GLIS3: variants seen among roughly 807,000 people sequenced by gnomAD.
The protein encoded by GLIS3 is zinc finger protein GLIS3.
Under a neutral mutation model 78.6 loss-of-function variants are expected in GLIS3, and 53 were observed. The observed-to-expected ratio is 0.67, with a 90% CI of 0.54 to 0.85. The LOEUF is 0.85. GLIS3 is among the 40% of genes least tolerant of loss of function. The probability of loss-of-function intolerance (pLI) is 0.00; values close to 1 mark genes in which losing one functional copy is unlikely to be tolerated. For missense variants in GLIS3, 1,703 were observed against 1,231.1 expected, an observed-to-expected ratio of 1.38 and a Z score of -5.74; for synonymous variants, 684 against 509.9, an observed-to-expected ratio of 1.34 and a Z score of -4.60.
chr9:3,865,966 G>T (rs1011093780), intron 8 of GLIS3, among the ~76,000 whole-genome samples: 4 of 152,190 alleles, frequency 2.6e-5, no homozygotes, highest in Admixed American at 2.6e-4. Flanking sequence ...TGTCTGCTTG[G>T]GAGAGTGCCC....
the GLIS3 span, among the ~76,000 whole-genome samples, chr9:4,404,653 A>G: frequency 1.3e-5 from 2 of 152,210 alleles, no homozygotes; most frequent in African/African-American, 4.8e-5. Context: ...AAGAAAACTG[A>G]AAGATTTCTT....
chr9:4,369,662 G>C, the GLIS3 span, among the ~76,000 whole-genome samples: 1 of 152,106 alleles, frequency 6.6e-6, no homozygotes, highest in African/African-American at 2.4e-5. Context: ...TGCACATGGA[G>C]GATTATGATA....
intron 2 of GLIS3, among the ~76,000 whole-genome samples, chr9:4,206,409 C>T (rs190787959): frequency 8.1e-4 from 124 of 152,284 alleles, no homozygotes; most frequent in African/African-American, 2.1e-3. Flanking sequence ...TTGAAAGAGG[C>T]TTATTTTCTA....
intron 4 of GLIS3, among the ~76,000 whole-genome samples, chr9:4,104,282 T>C (rs1830591961): frequency 1.3e-5 from 2 of 152,228 alleles, no homozygotes; most frequent in Non-Finnish European, 1.5e-5. Context: ...CAGTTAAAGA[T>C]AACCCCCCTC....
chr9:4,006,565 G>A (rs547975738), intron 4 of GLIS3, among the ~76,000 whole-genome samples: 3 of 152,178 alleles, frequency 2.0e-5, no homozygotes, highest in South Asian at 2.1e-4. Flanking sequence ...GTTCCTTGAC[G>A]ACCAAACACC....
chr9:4,337,101 T>C (rs77713275), intron 2 of GLIS3, among the ~76,000 whole-genome samples: 2 of 152,210 alleles, frequency 1.3e-5, no homozygotes, highest in Admixed American at 6.5e-5. Flanking sequence ...GGTAGTGTCA[T>C]TGGCTTCTAG....
intron 4 of GLIS3, among the ~76,000 whole-genome samples, chr9:3,991,084 G>A (rs886609290): frequency 2.5e-4 from 38 of 152,180 alleles, no homozygotes; most frequent in African/African-American, 9.2e-4. Flanking sequence ...AGGTTTCTCT[G>A]AGAATAGCAG....
At chr9:4,489,479 GATAAGAAGACCGCTT>G in the GLIS3 span, among the ~76,000 whole-genome samples, 1 of 152,178 alleles carries the variant, frequency 6.6e-6, no homozygotes, top group South Asian at 2.1e-4. Context: ...TAGGAACGCT[GATAAGAAGACCGCTT>G]ACAGCTGCGG....
chr9:4,482,560 G>A, the GLIS3 span, among the ~76,000 whole-genome samples: 5 of 152,128 alleles, frequency 3.3e-5, no homozygotes, highest in Non-Finnish European at 4.4e-5. Flanking sequence ...ACTTGCCACC[G>A]CATGAGGACA....
chr9:4,146,723 G>A (rs903714447), intron 2 of GLIS3, among the ~76,000 whole-genome samples: 3 of 152,104 alleles, frequency 2.0e-5, no homozygotes, highest in Non-Finnish European at 4.4e-5. Flanking sequence ...CATCTCAAAC[G>A]CCTATTCTCC....
chr9:4,386,362 T>C, the GLIS3 span: 6 of 148,312 alleles, frequency 4.0e-5, no homozygotes, highest in African/African-American at 1.5e-4. Flanking sequence ...TTTTTATTTT[T>C]ATTAGTTTTT....
chr9:4,165,486 G>A (rs919831259), intron 2 of GLIS3, among the ~76,000 whole-genome samples: 4 of 152,150 alleles, frequency 2.6e-5, no homozygotes, highest in Non-Finnish European at 5.9e-5. Flanking sequence ...TCCATGGGGG[G>A]AAAAAGATTT....
At chr9:4,394,021 G>C in the GLIS3 span, among the ~76,000 whole-genome samples, 2 of 151,958 alleles carry the variant, frequency 1.3e-5, no homozygotes, top group African/African-American at 4.8e-5. Context: ...GTAGAGGGTA[G>C]AATTTGGACT....
chr9:4,078,016 T>C (rs879414042), intron 4 of GLIS3, among the ~76,000 whole-genome samples: 13 of 152,236 alleles, frequency 8.5e-5, no homozygotes, highest in Non-Finnish European at 1.3e-4. Flanking sequence ...CAATTCTTTA[T>C]AGTGAGCTCT....
intron 2 of GLIS3, among the ~76,000 whole-genome samples, chr9:4,322,630 G>A (rs568838950): frequency 6.6e-6 from 1 of 152,146 alleles, no homozygotes; most frequent in Non-Finnish European, 1.5e-5. Flanking sequence ...GTGTCTCACT[G>A]TGTTTTTGAT....
At chr9:4,353,855 A>C in the GLIS3 span, among the ~76,000 whole-genome samples, 1 of 152,118 alleles carries the variant, frequency 6.6e-6, no homozygotes, top group Non-Finnish European at 1.5e-5. Flanking sequence ...GAAGAACTGC[A>C]GGAAATCTGT....
chr9:4,242,635 C>T (rs1823424758), intron 2 of GLIS3, among the ~76,000 whole-genome samples: 1 of 152,168 alleles, frequency 6.6e-6, no homozygotes, highest in Admixed American at 6.5e-5. Flanking sequence ...CATCATGGGA[C>T]ATTCTATATC....
intron 2 of GLIS3, among the ~76,000 whole-genome samples, chr9:4,221,717 G>A (rs1318241429): frequency 1.3e-5 from 2 of 152,094 alleles, no homozygotes; most frequent in Non-Finnish European, 2.9e-5. Flanking sequence ...GATAACATAT[G>A]GAAACACATT....
intron 4 of GLIS3, among the ~76,000 whole-genome samples, chr9:4,048,278 T>A (rs1255850599): frequency 3.3e-5 from 5 of 152,196 alleles, no homozygotes; most frequent in African/African-American, 1.2e-4. Flanking sequence ...CAGAATGATA[T>A]GTGTGAGGAT....
Sources: allele counts gnomAD v4.1 joint callset (sites outside exome capture counted in the v4.1 genomes callset), GRCh38; gene constraint gnomAD v4.1.1; transcripts MANE v1.5; gene names NCBI Gene and HGNC (gene_info 2026-07-23, HGNC 2026-07-21).